The following THOC2 variants were observed in gnomAD, a reference collection of about 807,000 sequenced individuals.
THOC2 encodes THO complex subunit 2.
A neutral mutation model predicts 128.4 loss-of-function variants in THOC2; 10 were observed. The observed-to-expected ratio is 0.08, with a 90% confidence interval of 0.05 to 0.13. THOC2 has a LOEUF of 0.13. Among genes scored for constraint, THOC2 ranks in the 10% least tolerant of loss-of-function variants. The probability of loss-of-function intolerance (pLI) is 1.00; values close to 1 mark genes in which losing one functional copy is unlikely to be tolerated. For synonymous variants in THOC2, 393 were observed against 396.9 expected (o/e 0.99, Z 0.12); for missense variants, 535 against 1,155.7 (o/e 0.46, Z 7.79).
At chrX:123,637,157 T>C (rs1345580469) in intron 18 of THOC2, among the ~76,000 whole-genome samples, 2 of 111,415 alleles carry the variant, frequency 1.8e-5, no homozygotes, top group Admixed American at 9.6e-5. Context: ...AGGGAAAAGA[T>C]GAGGCTAGAA....
At chrX:123,633,926 T>C (rs777916296) in intron 20 of THOC2, 27 bp downstream of exon 20, 10 of 964,665 alleles carry the variant, frequency 1.0e-5, no homozygotes, top group Non-Finnish European at 1.3e-5. Flanking sequence ...ATTTTAAAAG[T>C]TGATGAACAA....
chrX:123,712,823 T>C (rs2051247162), intron 2 of THOC2, 27 bp downstream of exon 2: 2 of 1,015,632 alleles, frequency 2.0e-6, no homozygotes, highest in African/African-American at 3.8e-5. Context: ...AATCAAGAAA[T>C]AACTAAGATA....
intron 21 of THOC2, 98 bp from the exon 22 acceptor site, chrX:123,631,950 C>G (rs1179392942): frequency 2.5e-6 from 2 of 790,043 alleles, no homozygotes; most frequent in African/African-American, 4.2e-5. Flanking sequence ...AATTTTATAA[C>G]TTAAAAGGAC....
intron 16 of THOC2, among the ~76,000 whole-genome samples, chrX:123,639,962 G>A (rs1270681364): frequency 9.0e-6 from 1 of 111,725 alleles, no homozygotes; most frequent in Non-Finnish European, 1.9e-5. Context: ...GAGGTGGATG[G>A]ATTACCTGAG....
intron 1 of THOC2, 95 bp downstream of exon 1, chrX:123,732,857 A>C: frequency 3.2e-6 from 3 of 926,274 alleles, no homozygotes; most frequent in Non-Finnish European, 3.1e-6. Context: ...GGGAGGGGGT[A>C]CATCTTTCCC....
At chrX:123,609,889 C>T (rs2046633021) in intron 38 of THOC2, among the ~76,000 whole-genome samples, 2 of 109,973 alleles carry the variant, frequency 1.8e-5, no homozygotes, top group African/African-American at 3.3e-5. Flanking sequence ...ATTAGCCGGG[C>T]GCGGTGGCAG....
At chrX:123,642,289 G>C (rs912441500) in intron 15 of THOC2, among the ~76,000 whole-genome samples, 1 of 110,292 alleles carries the variant, frequency 9.1e-6, no homozygotes, top group Non-Finnish European at 1.9e-5. Flanking sequence ...GCTGGACTTG[G>C]TGGCAGGCGC....
chrX:123,680,032 T>G (rs1269936863), intron 8 of THOC2, among the ~76,000 whole-genome samples: 1 of 111,997 alleles, frequency 8.9e-6, no homozygotes, highest in Non-Finnish European at 1.9e-5. Context: ...GCCTGAGATA[T>G]GGCCTCGTGG....
At chrX:123,666,572 T>C (rs1011410681) in intron 11 of THOC2, among the ~76,000 whole-genome samples, 1 of 111,712 alleles carries the variant, frequency 9.0e-6, no homozygotes, top group Non-Finnish European at 1.9e-5. Context: ...CTATCAATAC[T>C]GCTCCTAAGT....
At chrX:123,719,854 A>G (rs1003968288) in intron 1 of THOC2, among the ~76,000 whole-genome samples, 1 of 108,887 alleles carries the variant, frequency 9.2e-6, no homozygotes, top group Non-Finnish European at 1.9e-5. Flanking sequence ...GCTTGAGTCC[A>G]GGGGTTTCAG....
At chrX:123,611,084 A>C in intron 37 of THOC2, 121 bp from the exon 38 acceptor site, 1 of 606,331 alleles carries the variant, frequency 1.6e-6, no homozygotes, top group East Asian at 3.5e-5. Context: ...GGTAGCCTCA[A>C]ACTCTACCAG....
At chrX:123,634,150 G>A in intron 19 of THOC2, 80 bp from the exon 20 acceptor site, 1 of 517,707 alleles carries the variant, frequency 1.9e-6, no homozygotes, top group South Asian at 4.4e-5. Context: ...TTAATATACT[G>A]AGAAACCCTT....
chrX:123,658,002 T>C (rs1010736222), intron 12 of THOC2, among the ~76,000 whole-genome samples: 1 of 103,884 alleles, frequency 9.6e-6, no homozygotes, highest in Non-Finnish European at 2.0e-5. Flanking sequence ...TGTGTGTGTG[T>C]GTGTATAAGC....
intron 12 of THOC2, among the ~76,000 whole-genome samples, chrX:123,653,433 T>C (rs1388546528): frequency 8.9e-6 from 1 of 111,955 alleles, no homozygotes; most frequent in African/African-American, 3.2e-5. Context: ...CGGGATCTAA[T>C]TAAACTATTC....
At chrX:123,709,930 G>T (rs780016899) in intron 2 of THOC2, among the ~76,000 whole-genome samples, 1 of 110,988 alleles carries the variant, frequency 9.0e-6, no homozygotes, top group East Asian at 2.8e-4. Flanking sequence ...GGGTGGGGGG[G>T]AAGGTGATTT....
intron 1 of THOC2, among the ~76,000 whole-genome samples, chrX:123,713,851 A>AG (rs1179617814): frequency 9.1e-6 from 1 of 110,468 alleles, no homozygotes; most frequent in East Asian, 2.8e-4. Flanking sequence ...GAAAAAAAAA[A>AG]AAAGGAAAAA....
intron 4 of THOC2, among the ~76,000 whole-genome samples, chrX:123,699,820 A>C (rs2050616636): frequency 8.9e-6 from 1 of 112,283 alleles, no homozygotes; most frequent in Middle Eastern, 4.6e-3. Flanking sequence ...TAAATTACTT[A>C]AATGTCTAAC....
chrX:123,709,234 T>C (rs370701773), intron 2 of THOC2, among the ~76,000 whole-genome samples: 1 of 112,175 alleles, frequency 8.9e-6, no homozygotes, highest in East Asian at 2.8e-4. Flanking sequence ...TATAGTTATC[T>C]ACAAAAAAAT....
rs757216405 is a variant in THOC2 at position 123,650,377 on chromosome X, C to G, written c.1387-5002G>C. Among the ~76,000 whole-genome samples, 7 of 111,996 alleles carry G rather than the reference C, an allele frequency of 6.3e-5. No homozygotes were observed. The South Asian group carries it at 2.6e-3, about 42-fold the overall frequency. ...CCTACCAAATTGTAAAGACCATCGA[C>G]ACTATGAAGAAACTGCATCGACTAA... On this transcript the variant is annotated intron_variant, in intron 12 of 38. Transcript: ENST00000245838.
Sources: gnomAD v4.1 joint callset for allele counts (sites outside exome capture counted in the v4.1 genomes callset) on GRCh38, gnomAD v4.1.1 for gene constraint, MANE v1.5 for transcripts, NCBI Gene and HGNC (gene_info 2026-07-23, HGNC 2026-07-21) for gene names.